Variants in CCDC63 observed in about 807,000 individuals in gnomAD.
The protein encoded by CCDC63 is coiled-coil domain containing 63.
A neutral mutation model predicts 63.6 loss-of-function variants in CCDC63; 54 were observed. That is an observed-to-expected ratio of 0.85 (90% CI 0.68 to 1.07). CCDC63 has a LOEUF of 1.07. CCDC63 is among the 50% of genes least tolerant of loss of function. The probability of loss-of-function intolerance (pLI) is 0.00; values close to 1 mark genes in which losing one functional copy is unlikely to be tolerated. For synonymous variants in CCDC63, 253 were observed against 266.1 expected, an observed-to-expected ratio of 0.95 and a Z score of 0.48; for missense variants, 637 against 689.6, an observed-to-expected ratio of 0.92 and a Z score of 0.86.
In CCDC63 at chr12:110,884,240, A is replaced by G; in HGVS notation, c.1064A>G (p.Gln355Arg). 6.2e-7 allele frequency: 1 copy of G among 1,614,062 alleles called. No individual in the cohort carries two copies. The highest frequency in any genetic ancestry group is 1.1e-5 in the South Asian group (1 of 91,078). The change falls in exon 8 of 12, where the codon CAA becomes CGA. Residue 355 changes from glutamine to arginine, a missense_variant. By Grantham distance (43) the Gln-to-Arg change is conservative. Transcript: ENST00000308208. ...ATGGAGATGATGCACAAGAGGACCC[A>G]ACGAATCCAGGTCAGGGCGGCTCTG... is the stretch of plus-strand genomic sequence containing the variant. ...NDMEMMHKRTQRIQDEIILLR... is the reference protein window; with the variant it reads ...NDMEMMHKRTRRIQDEIILLR...
At chr12:110,853,974 G>A (rs2136643081) in intron 3 of CCDC63, among the ~76,000 whole-genome samples, 1 of 152,318 alleles carries the variant, frequency 6.6e-6, no homozygotes, top group South Asian at 2.1e-4. Flanking sequence ...CACAGAGAGA[G>A]GGTCTTGAAT....
chr12:110,867,878 G>T (rs1304331518), intron 4 of CCDC63, among the ~76,000 whole-genome samples: 1 of 150,220 alleles, frequency 6.7e-6, no homozygotes, highest in Non-Finnish European at 1.5e-5. Context: ...AGGTGGAGAC[G>T]CTCCTCACTT....
intron 8 of CCDC63, among the ~76,000 whole-genome samples, chr12:110,886,753 A>AT (rs1424322415): frequency 2.7e-5 from 4 of 150,184 alleles, no homozygotes; most frequent in Non-Finnish European, 5.9e-5. Context: ...CAGGCAGGGC[A>AT]TGGGGAGGTG....
At chr12:110,884,298 C>A in intron 8 of CCDC63, 48 bp downstream of exon 8, 1 of 1,487,032 alleles carries the variant, frequency 6.7e-7, no homozygotes, top group Non-Finnish European at 9.4e-7. Flanking sequence ...GTGTCCACAG[C>A]AGCCTTTCCA....
chr12:110,877,001 C>T (rs191608275), intron 5 of CCDC63, among the ~76,000 whole-genome samples: 2 of 151,872 alleles, frequency 1.3e-5, no homozygotes, highest in Non-Finnish European at 2.9e-5. Flanking sequence ...GCCTGGTTGA[C>T]AGAGCGAGAC....
intron 8 of CCDC63, among the ~76,000 whole-genome samples, chr12:110,890,777 T>C (rs1051942890): frequency 9.0e-5 from 13 of 144,150 alleles, no homozygotes; most frequent in East Asian, 3.9e-4. Context: ...CCTTTTCTTT[T>C]TTTTTTTTTT....
At chr12:110,872,613 A>G (rs547799401) in intron 4 of CCDC63, among the ~76,000 whole-genome samples, 75 of 152,298 alleles carry the variant, frequency 4.9e-4, no homozygotes, top group Non-Finnish European at 8.5e-4. Flanking sequence ...TGTACATAGA[A>G]AAGATAGTTG....
intron 10 of CCDC63, among the ~76,000 whole-genome samples, chr12:110,902,996 C>G (rs1444186167): frequency 2.0e-5 from 3 of 152,052 alleles, no homozygotes; most frequent in Non-Finnish European, 4.4e-5. Flanking sequence ...TATTCTCCTG[C>G]CTCAGCCTCG....
chr12:110,902,981 C>T (rs1247647775), intron 10 of CCDC63, among the ~76,000 whole-genome samples: 1 of 151,774 alleles, frequency 6.6e-6, no homozygotes, highest in African/African-American at 2.4e-5. Flanking sequence ...CTCCCAGGTT[C>T]AAATTATTCT....
In CCDC63 at chr12:110,907,327, G is replaced by A. The variant is rs768388115; in HGVS notation, c.1547-4G>A. ...CACCTCACACAAATCTGATCTTGGT[G>A]CAGTGGAACAGCCCCTGGACCACAG... On this transcript the variant is annotated splice_polypyrimidine_tract_variant and splice_region_variant and intron_variant, in intron 11 of 11. Transcript: ENST00000308208. This position sits in a 1 kb window ranked among gnomAD's most constrained non-coding sequence, Gnocchi z 4.4. The A allele has an allele frequency of 6.8e-6, 11 of 1,612,784 alleles. No homozygotes were observed. In the African/African-American group the frequency reaches 1.1e-4, roughly 16 times the overall value.
At position 110,876,672 on chromosome 12, in the gene CCDC63, T is replaced by C. The variant is rs527895723; in HGVS notation, c.489+2711T>C. 2.0e-5 allele frequency among the ~76,000 whole-genome samples: 3 copies of C among 152,256 alleles called. No homozygotes were observed. The South Asian group carries it at 6.2e-4, about 32-fold the overall frequency. ...GCTGTTAGGAATATTTTTTTGTAGTTGTCTCTTTTCAGTGCTTATGGGAGC... is the reference window on the plus strand; with the variant it reads ...GCTGTTAGGAATATTTTTTTGTAGTCGTCTCTTTTCAGTGCTTATGGGAGC... On this transcript the variant is annotated intron_variant, in intron 5 of 11. Coordinates refer to ENST00000308208, the MANE Select transcript of CCDC63 (RefSeq NM_152591.3).
At chr12:110,883,280 C>A (rs1283619334) in intron 7 of CCDC63, among the ~76,000 whole-genome samples, 2 of 152,152 alleles carry the variant, frequency 1.3e-5, no homozygotes, top group African/African-American at 4.8e-5. Flanking sequence ...TCGTGATCCA[C>A]CTGCCTTGGC....
intron 4 of CCDC63, among the ~76,000 whole-genome samples, chr12:110,868,356 G>A (rs1243912111): frequency 6.9e-6 from 1 of 145,796 alleles, no homozygotes; most frequent in Non-Finnish European, 1.5e-5. Flanking sequence ...CTGCAATCTC[G>A]GCACTTTGGG....
intron 7 of CCDC63, among the ~76,000 whole-genome samples, chr12:110,881,637 A>G (rs1392590429): frequency 6.6e-6 from 1 of 152,070 alleles, no homozygotes; most frequent in Non-Finnish European, 1.5e-5. Flanking sequence ...CAGGAGAATC[A>G]CTTGAACCCA....
intron 5 of CCDC63, among the ~76,000 whole-genome samples, chr12:110,878,077 A>C (rs1018256113): frequency 1.3e-4 from 20 of 152,056 alleles, no homozygotes; most frequent in African/African-American, 4.8e-4. Context: ...CGTCTGGCTT[A>C]TTTCACTTAG....
At chr12:110,904,475 G>T in intron 10 of CCDC63, 113 bp from the exon 11 acceptor site, 4 of 847,072 alleles carry the variant, frequency 4.7e-6, no homozygotes, top group South Asian at 4.7e-5. Context: ...CCCAGATCCC[G>T]CACCTCCTGT....
At chr12:110,845,834 C>T (rs1238602836), upstream of CCDC63, 2 of 150,656 alleles carry the variant, frequency 1.3e-5, no homozygotes, top group Non-Finnish European at 2.9e-5. Context: ...TGGCTCACGG[C>T]AACCTTTGCC....
intron 4 of CCDC63, among the ~76,000 whole-genome samples, chr12:110,860,499 A>G (rs965523966): frequency 2.0e-5 from 3 of 152,224 alleles, no homozygotes; most frequent in African/African-American, 7.2e-5. Flanking sequence ...CACACAGTAG[A>G]TCCTCAGTAA....
chr12:110,859,823 C>T (rs1379571582), intron 4 of CCDC63, among the ~76,000 whole-genome samples: 1 of 152,146 alleles, frequency 6.6e-6, no homozygotes. Flanking sequence ...ATGCCCCTTA[C>T]CCTGGCTTGA....
Sources: gnomAD v4.1 joint callset for allele counts (sites outside exome capture counted in the v4.1 genomes callset) on GRCh38, gnomAD v4.1.1 for gene constraint, Gnocchi (gnomAD v3.1) non-coding constraint, MANE v1.5 for transcripts, NCBI Gene and HGNC (gene_info 2026-07-23, HGNC 2026-07-21) for gene names.